The following ESYT2 variants were observed in gnomAD, a reference collection of about 807,000 sequenced individuals.
ESYT2 encodes extended synaptotagmin-2.
In ESYT2, 54 loss-of-function variants were observed where a neutral mutation model predicts 107.2. That is an observed-to-expected ratio of 0.50 (90% CI 0.40 to 0.63). The LOEUF is 0.63. ESYT2 is among the 30% of genes least tolerant of loss of function. ESYT2 has a pLI of 0.00. For synonymous variants in ESYT2, 491 were observed against 434.1 expected (o/e 1.13, Z -1.63); for missense variants, 1,020 against 1,094.5 (o/e 0.93, Z 0.96).
chr7:158,798,907 A>G, intron 2 of ESYT2, 124 bp downstream of exon 2: 2 of 856,884 alleles, frequency 2.3e-6, no homozygotes, highest in South Asian at 3.3e-5. Flanking sequence ...GGGGACCAGA[A>G]GCCAACCCAC....
At chr7:158,809,485 A>AC (rs1172387029) in intron 1 of ESYT2, among the ~76,000 whole-genome samples, 19 of 150,182 alleles carry the variant, frequency 1.3e-4, no homozygotes, top group Non-Finnish European at 2.2e-4. Context: ...AAAAAAAAAA[A>AC]AAAAAAAAAA....
chr7:158,795,662 T>C (rs1378900668), intron 3 of ESYT2, among the ~76,000 whole-genome samples: 1 of 152,258 alleles, frequency 6.6e-6, no homozygotes, highest in Non-Finnish European at 1.5e-5. Flanking sequence ...GCATTTAACT[T>C]GTCACTGGGA....
intron 13 of ESYT2, among the ~76,000 whole-genome samples, chr7:158,758,219 T>C (rs1837834182): frequency 6.6e-6 from 1 of 152,240 alleles, no homozygotes; most frequent in Non-Finnish European, 1.5e-5. Context: ...GTATGAAATA[T>C]AAGTGATCAA....
intron 1 of ESYT2, among the ~76,000 whole-genome samples, chr7:158,821,025 A>C (rs932364096): frequency 1.3e-5 from 2 of 152,246 alleles, no homozygotes; most frequent in South Asian, 4.1e-4. Context: ...AAATTGGACT[A>C]GTTTCTTAAA....
chr7:158,791,631 T>C (rs1468694638), intron 4 of ESYT2, among the ~76,000 whole-genome samples: 1 of 152,242 alleles, frequency 6.6e-6, no homozygotes, highest in Non-Finnish European at 1.5e-5. Context: ...TGTTAGGTGG[T>C]ATTTCATTAC....
At chr7:158,759,651 T>C in intron 12 of ESYT2, 70 bp from the exon 13 acceptor site, 3 of 1,256,964 alleles carry the variant, frequency 2.4e-6, no homozygotes, top group South Asian at 1.4e-5. Flanking sequence ...TATCTGATTG[T>C]ATCATGTTGA....
chr7:158,779,691 G>A (rs1013055678), intron 6 of ESYT2, among the ~76,000 whole-genome samples: 1 of 152,118 alleles, frequency 6.6e-6, no homozygotes, highest in African/African-American at 2.4e-5. Context: ...GCTCTAAACC[G>A]TCCAATCTGC....
rs1836790936 is a variant in ESYT2 at position 158,732,757 on chromosome 7, A to C, written c.*1450T>G. The C allele has an allele frequency of 6.5e-6, 1 of 152,680 alleles. No homozygotes were observed. The highest frequency in any genetic ancestry group is 1.5e-5 in the Non-Finnish European group (1 of 68,052). 9.5% of individuals were successfully genotyped at this position (152,680 alleles called of 1,614,324 possible). A position where few individuals can be genotyped will look rare whatever the true frequency, so the allele number is the denominator to read the frequency against. On this transcript the variant is annotated 3_prime_UTR_variant, in exon 23 of 23. Transcript: ENST00000275418. The stretch of plus-strand genomic sequence containing the variant: ...GTTGTATAGTTCCATGAAACAAGCT[A>C]AAAGCTCCAATTTAAATTACAAAGC...
At chr7:158,791,808 T>C (rs1471652482) in intron 4 of ESYT2, among the ~76,000 whole-genome samples, 1 of 152,362 alleles carries the variant, frequency 6.6e-6, no homozygotes, top group Non-Finnish European at 1.5e-5. Context: ...GTTCTCTATA[T>C]ATCCTGGATG....
chr7:158,803,147 T>A (rs1584870032), intron 1 of ESYT2, among the ~76,000 whole-genome samples: 1 of 152,214 alleles, frequency 6.6e-6, no homozygotes, highest in South Asian at 2.1e-4. Flanking sequence ...CCAGCATAGG[T>A]GGGGGCCAAC....
intron 1 of ESYT2, among the ~76,000 whole-genome samples, chr7:158,810,035 T>C (rs1839951851): frequency 6.6e-6 from 1 of 152,236 alleles, no homozygotes; most frequent in Non-Finnish European, 1.5e-5. Context: ...ACAACAAGTT[T>C]TGATGAAGAC....
At chr7:158,751,553 A>C (rs892197602) in intron 14 of ESYT2, among the ~76,000 whole-genome samples, 23 of 152,226 alleles carry the variant, frequency 1.5e-4, no homozygotes, top group Non-Finnish European at 2.8e-4. Context: ...CTCAGTTTGC[A>C]TGTTTACAAA....
In ESYT2 at chr7:158,764,660, C is replaced by A; in HGVS notation, c.1101+17G>T. The A allele has an allele frequency of 6.2e-7, 1 of 1,611,370 alleles. No homozygotes were observed. The highest frequency in any genetic ancestry group is 1.3e-5 in the African/African-American group (1 of 75,040). On this transcript the variant is annotated intron_variant, in intron 9 of 22. Transcript: ENST00000275418. ...TCAGCCCACCACCCCAGCAACACAG[C>A]AGACACGACACCCCACCTCATAGAC... is the stretch of plus-strand genomic sequence containing the variant.
At position 158,792,015 on chromosome 7, in the gene ESYT2, C is replaced by T. The variant is rs541881749; in HGVS notation, c.584+1635G>A. ...TTAGTTTATTCCTAAGTATTTTATT[C>T]TTTTTGATTCTATTACAAATGAAAT... is the stretch of plus-strand genomic sequence containing the variant. On this transcript the variant is annotated intron_variant, in intron 4 of 22. Transcript: ENST00000275418. 4.6e-5 allele frequency among the ~76,000 whole-genome samples: 7 copies of T among 151,746 alleles called. No homozygotes were observed. In the South Asian group the frequency reaches 1.5e-3, roughly 31 times the overall value.
In ESYT2 at chr7:158,733,015, A is replaced by C. The variant is rs1196113089; in HGVS notation, c.*1192T>G. On this transcript the variant is annotated 3_prime_UTR_variant, in exon 23 of 23. Coordinates refer to ENST00000275418, the MANE Select transcript of ESYT2 (RefSeq NM_001367773.1). ...AGTCTAAACAGGATAAAAATTGCATAACAATATCCCAATATTAAGGTCAGT... is the reference window on the plus strand; with the variant it reads ...AGTCTAAACAGGATAAAAATTGCATCACAATATCCCAATATTAAGGTCAGT... 6.6e-6 allele frequency: 1 copy of C among 152,238 alleles called. No homozygotes were observed. The highest frequency in any genetic ancestry group is 1.5e-5 in the Non-Finnish European group (1 of 68,056). 9.4% of individuals were successfully genotyped at this position (152,238 alleles called of 1,614,324 possible).
chr7:158,734,478 G>T lies in ESYT2; in HGVS notation c.2506-7C>A, dbSNP rs1836848261. ...ATGCCAGAGCAACCAATACCTGTGG[G>T]TTGTTAAAAAAGCAGTTAAAGTAGG... On this transcript the variant is annotated splice_region_variant and splice_polypyrimidine_tract_variant and intron_variant, in intron 21 of 22. Coordinates refer to ENST00000275418, the MANE Select transcript of ESYT2 (RefSeq NM_001367773.1). 6.2e-7 allele frequency: 1 copy of T among 1,612,752 alleles called. No individual in the cohort carries two copies. Among genetic ancestry groups the T allele is most frequent in the African/African-American group, 1.3e-5 (1 of 74,888 alleles).
intron 9 of ESYT2, 61 bp downstream of exon 9, chr7:158,764,616 T>C (rs1271284572): frequency 1.3e-6 from 2 of 1,550,102 alleles, no homozygotes; most frequent in African/African-American, 1.4e-5. Flanking sequence ...AATGAGAGCT[T>C]GGCCATCCCG....
chr7:158,800,324 G>A (rs1340409580), intron 1 of ESYT2, among the ~76,000 whole-genome samples: 1 of 152,088 alleles, frequency 6.6e-6, no homozygotes, highest in Non-Finnish European at 1.5e-5. Flanking sequence ...TGAGATTATA[G>A]GTGTGAGCCA....
At chr7:158,742,365 G>A (rs757695659) in intron 17 of ESYT2, among the ~76,000 whole-genome samples, 4 of 152,188 alleles carry the variant, frequency 2.6e-5, no homozygotes, top group Non-Finnish European at 5.9e-5. Context: ...CCCAGGCCAC[G>A]TCTCAGGCAA....
Sources: allele counts gnomAD v4.1 joint callset (sites outside exome capture counted in the v4.1 genomes callset), GRCh38; gene constraint gnomAD v4.1.1; transcripts MANE v1.5; gene names NCBI Gene and HGNC (gene_info 2026-07-23, HGNC 2026-07-21).